KIAA1549L: variants seen among roughly 807,000 people sequenced by gnomAD.
KIAA1549L encodes the protein KIAA1549 like, also known as UPF0606 protein KIAA1549L.
In KIAA1549L, 88 loss-of-function variants were observed where a neutral mutation model predicts 160.7. The observed-to-expected ratio is 0.55, with a 90% CI of 0.46 to 0.65. The LOEUF (loss-of-function observed/expected upper bound fraction) is 0.65. Ranked by LOEUF, KIAA1549L falls within the 30% of genes least tolerant of loss-of-function variation. The probability of loss-of-function intolerance (pLI) is 0.00; values close to 1 mark genes in which losing one functional copy is unlikely to be tolerated. For synonymous variants in KIAA1549L, 950 were observed against 976.7 expected, an observed-to-expected ratio of 0.97 and a Z score of 0.51; for missense variants, 2,258 against 2,437.5, an observed-to-expected ratio of 0.93 and a Z score of 1.55.
chr11:33,516,139 C>CTTTTTT (rs927894187), intron 1 of KIAA1549L, among the ~76,000 whole-genome samples: 6 of 43,290 alleles, frequency 1.4e-4, no homozygotes, highest in Admixed American at 4.3e-4. Flanking sequence ...GGAGGTGATT[C>CTTTTTT]TTTTTTTTTT....
chr11:33,596,225 T>C (rs761435), intron 12 of KIAA1549L, among the ~76,000 whole-genome samples: 109,447 of 152,090 alleles, frequency 0.72, 40,446 homozygotes, highest in African/African-American at 0.9. Flanking sequence ...TGAGTGGACA[T>C]GCATGCACAA....
At chr11:33,640,138 A>G (rs989875921) in intron 16 of KIAA1549L, among the ~76,000 whole-genome samples, 69 of 152,286 alleles carry the variant, frequency 4.5e-4, no homozygotes, top group African/African-American at 1.6e-3. Flanking sequence ...ACATATATAT[A>G]AAATATACAT....
At chr11:33,450,744 A>G (rs1851705458) in intron 1 of KIAA1549L, 2 of 152,034 alleles carry the variant, frequency 1.3e-5, no homozygotes. Flanking sequence ...ACAGCTGCAA[A>G]CTCTCCCAGA....
At chr11:33,396,203 T>C (rs934498136) in intron 1 of KIAA1549L, among the ~76,000 whole-genome samples, 3 of 152,162 alleles carry the variant, frequency 2.0e-5, no homozygotes, top group Non-Finnish European at 4.4e-5. Context: ...AAGTATGTCC[T>C]ATTACAGGAC....
intron 7 of KIAA1549L, 100 bp downstream of exon 7, chr11:33,560,011 T>A: frequency 9.3e-7 from 1 of 1,077,424 alleles, no homozygotes. Context: ...ACCACCTTTA[T>A]CATAAAGTGA....
At chr11:33,558,567 A>C (rs964836940) in intron 6 of KIAA1549L, among the ~76,000 whole-genome samples, 1 of 152,166 alleles carries the variant, frequency 6.6e-6, no homozygotes, top group African/African-American at 2.4e-5. Context: ...GGCACGCAGC[A>C]CAGAAATTCA....
intron 1 of KIAA1549L, among the ~76,000 whole-genome samples, chr11:33,480,486 A>G (rs1166378757): frequency 1.3e-5 from 2 of 152,224 alleles, no homozygotes; most frequent in African/African-American, 2.4e-5. Context: ...ACACTCGTGT[A>G]CAAGTTTTTG....
intron 6 of KIAA1549L, among the ~76,000 whole-genome samples, chr11:33,553,839 T>G (rs1195795189): frequency 6.6e-6 from 1 of 152,214 alleles, no homozygotes; most frequent in East Asian, 1.9e-4. Flanking sequence ...GCCCTTGGCC[T>G]TAAGAAGCCT....
intron 12 of KIAA1549L, among the ~76,000 whole-genome samples, chr11:33,592,651 GGA>G (rs1388350942): frequency 3.9e-5 from 6 of 152,188 alleles, no homozygotes; most frequent in African/African-American, 7.2e-5. Flanking sequence ...AATCTGGTGA[GGA>G]GAGATAGATA....
At chr11:33,642,598 G>A (rs183276099) in intron 16 of KIAA1549L, among the ~76,000 whole-genome samples, 24 of 151,724 alleles carry the variant, frequency 1.6e-4, no homozygotes, top group African/African-American at 5.6e-4. Flanking sequence ...GAGTGGTTTG[G>A]GGGGGTGGAA....
chr11:33,421,177 C>G (rs1359012888), intron 1 of KIAA1549L, among the ~76,000 whole-genome samples: 1 of 141,666 alleles, frequency 7.1e-6, no homozygotes, highest in Non-Finnish European at 1.5e-5. Context: ...GCTCTTCTCA[C>G]TCAGGGGATG....
rs141359262 is a variant in KIAA1549L at position 33,567,661 on chromosome 11, C to T, written c.4079-415C>T. 3.7e-3 allele frequency among the ~76,000 whole-genome samples: 559 copies of T among 152,310 alleles called. 4 individuals carry two copies. Among genetic ancestry groups the T allele is most frequent in the African/African-American group, 0.013 (530 of 41,566 alleles). On this transcript the variant is annotated intron_variant, in intron 8 of 20. Transcript: ENST00000658780. The stretch of plus-strand genomic sequence containing the variant: ...TTGAGTGGAAACCAGCAAAAATACC[C>T]GTTAGCCATACCTACAGCTGTGCTG...
intron 16 of KIAA1549L, among the ~76,000 whole-genome samples, chr11:33,643,321 G>C (rs935270246): frequency 6.6e-6 from 1 of 152,036 alleles, no homozygotes; most frequent in East Asian, 1.9e-4. Flanking sequence ...AACCTTACTC[G>C]GAGAACTCAC....
At chr11:33,405,360 C>T (rs1268171718) in intron 1 of KIAA1549L, among the ~76,000 whole-genome samples, 6 of 152,058 alleles carry the variant, frequency 3.9e-5, no homozygotes, top group Non-Finnish European at 5.9e-5. Flanking sequence ...ACAAAAAAGA[C>T]ATTACAGAAT....
At chr11:33,538,988 TTC>T (rs1853955055) in intron 1 of KIAA1549L, among the ~76,000 whole-genome samples, 1 of 152,226 alleles carries the variant, frequency 6.6e-6, no homozygotes, top group South Asian at 2.1e-4. Flanking sequence ...GGGCAAGCCT[TTC>T]TGTTTAATCC....
intron 6 of KIAA1549L, among the ~76,000 whole-genome samples, chr11:33,553,341 C>G (rs1481665357): frequency 2.0e-5 from 3 of 151,196 alleles, no homozygotes; most frequent in Non-Finnish European, 4.4e-5. Context: ...TAGATATCAT[C>G]CCACTAAAGA....
intron 16 of KIAA1549L, among the ~76,000 whole-genome samples, chr11:33,640,188 G>T (rs1359667289): frequency 6.6e-6 from 1 of 152,010 alleles, no homozygotes; most frequent in African/African-American, 2.4e-5. Context: ...TATGTATTCT[G>T]TTTATAAAAT....
chr11:33,645,308 T>C (rs1437291386), intron 16 of KIAA1549L, among the ~76,000 whole-genome samples: 1 of 152,072 alleles, frequency 6.6e-6, no homozygotes, highest in East Asian at 1.9e-4. Flanking sequence ...CCTCCAGGTG[T>C]AGATTACAAG....
chr11:33,471,706 A>T (rs1262699255), intron 1 of KIAA1549L, among the ~76,000 whole-genome samples: 1 of 152,218 alleles, frequency 6.6e-6, no homozygotes, highest in African/African-American at 2.4e-5. Context: ...GAGAGAAAAC[A>T]TCTCTCCAAC....
Sources: allele counts gnomAD v4.1 joint callset (sites outside exome capture counted in the v4.1 genomes callset), GRCh38; gene constraint gnomAD v4.1.1; transcripts MANE v1.5; gene names NCBI Gene and HGNC (gene_info 2026-07-23, HGNC 2026-07-21).